The following NAGA variants were observed in gnomAD, a reference collection of about 807,000 sequenced individuals.
NAGA encodes the protein alpha-N-acetylgalactosaminidase.
Under a neutral mutation model 45.6 loss-of-function variants are expected in NAGA, and 42 were observed. The observed-to-expected ratio is 0.92, with a 90% CI of 0.72 to 1.19. The LOEUF is 1.19. Ranked by LOEUF, NAGA falls within the 50% of genes most tolerant of loss-of-function variation. The probability of loss-of-function intolerance (pLI) is 0.00; values close to 1 mark genes in which losing one functional copy is unlikely to be tolerated. For synonymous variants in NAGA, 176 were observed against 203.1 expected (o/e 0.87, Z 1.13); for missense variants, 493 against 544.8 (o/e 0.90, Z 0.95).
Position 42,065,849 on chromosome 22 carries a change from A to T in NAGA, c.648T>A (p.Asp216Glu). 1 of 1,614,180 alleles carries T rather than the reference A, an allele frequency of 6.2e-7. No homozygotes were observed. The highest frequency in any genetic ancestry group is 8.5e-7 in the Non-Finnish European group (1 of 1,180,018). The change falls in exon 6 of 9, where the codon GAT becomes GAA. Residue 216 changes from aspartate to glutamate, a missense_variant. Coordinates refer to ENST00000396398, the MANE Select transcript of NAGA (RefSeq NM_000262.3). ...ADICNLWRNYDDIQDSWWSVL... is the reference protein window; with the variant it reads ...ADICNLWRNYEDIQDSWWSVL... The stretch of plus-strand genomic sequence containing the variant: ...CGCTCCACCAGGAGTCCTGGATGTC[A>T]TCATAGTTACGCCAGAGGTTGCAGA...
Position 42,060,976 on chromosome 22 carries a change from C to T in NAGA, c.1049G>A (p.Arg350His), listed in dbSNP as rs763226634. The change falls in exon 8 of 9, where the codon CGC becomes CAC. Residue 350 changes from arginine to histidine, a missense_variant. By Grantham distance (29) the Arg-to-His change is conservative. Coordinates refer to ENST00000396398, the MANE Select transcript of NAGA (RefSeq NM_000262.3). ...FFSCRTDMPY[R>H]YHSSLGQLNF... Reference sequence around the variant, plus strand: ...CAGCTGGCCAAGGGAGGAGTGGTAGCGATAAGGCATATCGGTCCTGCAGCT... The same window carrying T: ...CAGCTGGCCAAGGGAGGAGTGGTAGTGATAAGGCATATCGGTCCTGCAGCT... 1.2e-6 allele frequency: 2 copies of T among 1,614,204 alleles called. No individual in the cohort carries two copies. Among genetic ancestry groups the T allele is most frequent in the Non-Finnish European group, 8.5e-7 (1 of 1,180,048 alleles).
chr22:42,066,586 A>AT (rs1194105655), intron 5 of NAGA, 124 bp downstream of exon 5: 1 of 902,138 alleles, frequency 1.1e-6, no homozygotes, highest in Non-Finnish European at 1.7e-6. Context: ...ACAAATCACC[A>AT]TATGGGCACC....
chr22:42,069,885 C>G (rs1248450026), intron 1 of NAGA, among the ~76,000 whole-genome samples: 1 of 152,210 alleles, frequency 6.6e-6, no homozygotes, highest in Non-Finnish European at 1.5e-5. Context: ...TGCTCTCTAC[C>G]ACAGACCCTC....
chr22:42,068,993 TC>T (rs1279908798), intron 1 of NAGA, among the ~76,000 whole-genome samples: 1 of 152,194 alleles, frequency 6.6e-6, no homozygotes, highest in African/African-American at 2.4e-5. Flanking sequence ...ATGCAGTGGC[TC>T]ATGCCTGTAA....
chr22:42,064,317 G>A (rs1926586802), intron 6 of NAGA, among the ~76,000 whole-genome samples: 1 of 150,582 alleles, frequency 6.6e-6, no homozygotes, highest in South Asian at 2.1e-4. Context: ...TCCAGCCTGG[G>A]CAACAAGAGC....
At chr22:42,067,721 T>C in intron 3 of NAGA, 44 bp downstream of exon 3, 1 of 1,547,864 alleles carries the variant, frequency 6.5e-7, no homozygotes, top group Non-Finnish European at 8.9e-7. Context: ...GTGAAAGGAG[T>C]GGTCTAGCCC....
In NAGA at chr22:42,059,335, G is replaced by A. The variant is rs917592641; in HGVS notation, c.*944C>T. The A allele has an allele frequency of 2.6e-5, 4 of 152,388 alleles. No homozygotes were observed. Among genetic ancestry groups the A allele is most frequent in the African/African-American group, 9.6e-5 (4 of 41,574 alleles). The allele number at this position is 152,388 out of a possible 1,614,324, so 9.4% of individuals were successfully genotyped here. On this transcript the variant is annotated 3_prime_UTR_variant, in exon 9 of 9. Coordinates refer to ENST00000396398, the MANE Select transcript of NAGA (RefSeq NM_000262.3). ...AAGAGGGACAGGAAATCAATTTTAA[G>A]ACACAACTCCTGGACAGGTTTGTGG...
chr22:42,067,638 G>A (rs1281534784), intron 3 of NAGA, 127 bp downstream of exon 3: 7 of 807,648 alleles, frequency 8.7e-6, no homozygotes, highest in African/African-American at 3.4e-5. Context: ...GCCAAAAGTC[G>A]GTGTTCATTT....
intron 7 of NAGA, among the ~76,000 whole-genome samples, chr22:42,062,501 G>A (rs769989766): frequency 3.2e-4 from 49 of 152,174 alleles, no homozygotes; most frequent in South Asian, 6.2e-4. Flanking sequence ...GCTCTGGAGG[G>A]AAGTCCAAGC....
At chr22:42,061,867 G>A (rs537599636) in intron 7 of NAGA, among the ~76,000 whole-genome samples, 2 of 147,320 alleles carry the variant, frequency 1.4e-5, no homozygotes, top group African/African-American at 2.5e-5. Flanking sequence ...CAGGAAAATC[G>A]CTTGAACCTG....
chr22:42,063,097 T>C lies in NAGA; in HGVS notation c.760-73A>G. 4 of 1,461,370 alleles carry C rather than the reference T, an allele frequency of 2.7e-6. No individual in the cohort carries two copies. In the South Asian group the frequency reaches 4.7e-5, roughly 17 times the overall value. 90.5% of individuals were successfully genotyped at this position (1,461,370 alleles called of 1,614,324 possible). A position where few individuals can be genotyped will look rare whatever the true frequency, so the allele number is the denominator to read the frequency against. Reference sequence around the variant, plus strand: ...TAGACACAGGGACCATCCCCAAACTTGTAGCCGAGGAAGAGCAATTAGGGA... The same window carrying C: ...TAGACACAGGGACCATCCCCAAACTCGTAGCCGAGGAAGAGCAATTAGGGA... On this transcript the variant is annotated intron_variant, in intron 6 of 8. Coordinates refer to ENST00000396398, the MANE Select transcript of NAGA (RefSeq NM_000262.3).
rs370826068 is a variant in NAGA, at chr22:42,067,295, G to T, written c.325-5C>A. Reference sequence around the variant, plus strand: ...CTTCAGGCCCAGGGAGTGAACCTGTGGGGGTTTGAGGACACAGTGGGCTCA... The same window carrying T: ...CTTCAGGCCCAGGGAGTGAACCTGTTGGGGTTTGAGGACACAGTGGGCTCA... On this transcript the variant is annotated splice_region_variant and splice_polypyrimidine_tract_variant and intron_variant, in intron 3 of 8. Coordinates refer to ENST00000396398, the MANE Select transcript of NAGA (RefSeq NM_000262.3). 1 of 1,613,966 alleles carries T rather than the reference G, an allele frequency of 6.2e-7. No homozygotes were observed. Among genetic ancestry groups the T allele is most frequent in the South Asian group, 1.1e-5 (1 of 91,084 alleles).
At chr22:42,070,172 AAG>A in intron 1 of NAGA, 108 bp downstream of exon 1, 1 of 1,263,552 alleles carries the variant, frequency 7.9e-7, no homozygotes. Flanking sequence ...CTCTAAGTAA[AAG>A]AGAGAGGAAC....
rs1318864678 is a variant in NAGA at position 42,067,901 on chromosome 22, G to A, written c.188C>T (p.Ala63Val). Reference protein sequence around the residue: ...QLFMEMADRMAQDGWRDMGYT... With the variant: ...QLFMEMADRMVQDGWRDMGYT... ...GCCCATGTCCCGCCATCCATCCTGT[G>A]CCATCCGGTCAGCCATCTCCATGAA... The change falls in exon 3 of 9, where the codon GCA becomes GTA. Residue 63 changes from alanine (A) to valine (V), a missense_variant. Transcript: ENST00000396398. The A allele has an allele frequency of 6.2e-7, 1 of 1,613,586 alleles. No individual in the cohort carries two copies. Among genetic ancestry groups the A allele is most frequent in the Non-Finnish European group, 8.5e-7 (1 of 1,180,008 alleles).
rs750968203 is a variant in NAGA, at chr22:42,060,908, GCA to G, written c.1101+14_1101+15del. 4 of 1,613,992 alleles carry G rather than the reference GCA, an allele frequency of 2.5e-6. No individual in the cohort carries two copies. In the Admixed American group the frequency reaches 5.0e-5, roughly 20 times the overall value. ...CTGAAGCCCAGGCGGGTGGCTGCAGGCAGCCGGGTGCTCACCTCATATATCAC... is the reference window on the plus strand; with the variant it reads ...CTGAAGCCCAGGCGGGTGGCTGCAGGGCCGGGTGCTCACCTCATATATCAC... On this transcript the variant is annotated intron_variant, in intron 8 of 8. Coordinates refer to ENST00000396398, the MANE Select transcript of NAGA (RefSeq NM_000262.3).
chr22:42,070,418 G>T lies in NAGA; in HGVS notation c.-121C>A. On this transcript the variant is annotated 5_prime_UTR_variant, in exon 1 of 9. Transcript: ENST00000396398. ...CACTGGGGTCACGGCTGCCTGGCTA[G>T]CTCGGCCGCCCTCAACCTTAGGCGT... The T allele has an allele frequency of 8.1e-7, 1 of 1,242,068 alleles. No homozygotes were observed. Among genetic ancestry groups the T allele is most frequent in the Non-Finnish European group, 1.2e-6 (1 of 844,108 alleles). The allele number at this position is 1,242,068 out of a possible 1,614,324, so 76.9% of individuals were successfully genotyped here.
rs1285202269 is a variant in NAGA, at chr22:42,070,277, G to T, written c.16+5C>A. On this transcript the variant is annotated splice_donor_5th_base_variant and intron_variant, in intron 1 of 8. Coordinates refer to ENST00000396398, the MANE Select transcript of NAGA (RefSeq NM_000262.3). The stretch of plus-strand genomic sequence containing the variant: ...CTTCCAAGCCACCCCAGCCGGTGTA[G>T]GTACCTGTCTTCAGCAGCATCGCTC... 2 of 1,614,242 alleles carry T rather than the reference G, an allele frequency of 1.2e-6. No homozygotes were observed.
intron 7 of NAGA, among the ~76,000 whole-genome samples, chr22:42,061,489 T>C (rs894255120): frequency 2.0e-5 from 3 of 151,562 alleles, no homozygotes; most frequent in Admixed American, 2.0e-4. Flanking sequence ...GGGTGGAGAG[T>C]GGAGCTGGAT....
intron 6 of NAGA, among the ~76,000 whole-genome samples, chr22:42,063,552 A>C (rs778454481): frequency 6.6e-6 from 1 of 152,214 alleles, no homozygotes; most frequent in Non-Finnish European, 1.5e-5. Flanking sequence ...CAAATTCCAG[A>C]TACTGTATGA....
Sources: gnomAD v4.1 joint callset for allele counts (sites outside exome capture counted in the v4.1 genomes callset) on GRCh38, gnomAD v4.1.1 for gene constraint, MANE v1.5 for transcripts, NCBI Gene and HGNC (gene_info 2026-07-23, HGNC 2026-07-21) for gene names.